GABRG1: variants seen among roughly 807,000 people sequenced by gnomAD.
The protein encoded by GABRG1 is gamma-aminobutyric acid receptor subunit gamma-1.
A neutral mutation model predicts 49.8 loss-of-function variants in GABRG1; 49 were observed. That is an observed-to-expected ratio of 0.98 (90% CI 0.78 to 1.25). GABRG1 has a LOEUF of 1.25. Among genes scored for constraint, GABRG1 ranks in the 50% most tolerant of loss-of-function variants. GABRG1 has a pLI of 0.00. For missense variants in GABRG1, 552 were observed against 552.3 expected, an observed-to-expected ratio of 1.00 and a Z score of 0.01; for synonymous variants, 232 against 185.1, an observed-to-expected ratio of 1.25 and a Z score of -2.06.
chr4:46,088,959 A>T (rs1719885563), intron 2 of GABRG1, among the ~76,000 whole-genome samples: 1 of 151,932 alleles, frequency 6.6e-6, no homozygotes, highest in African/African-American at 2.4e-5. Flanking sequence ...CTGATCAGGG[A>T]AAAGGAAAAA....
At chr4:46,120,687 C>T (rs918786937) in intron 1 of GABRG1, among the ~76,000 whole-genome samples, 4 of 151,628 alleles carry the variant, frequency 2.6e-5, no homozygotes, top group Non-Finnish European at 4.4e-5. Context: ...ACAAAACATA[C>T]TACTGAAATT....
At chr4:46,118,266 C>A (rs1332643724) in intron 1 of GABRG1, among the ~76,000 whole-genome samples, 3 of 149,686 alleles carry the variant, frequency 2.0e-5, no homozygotes, top group Non-Finnish European at 4.5e-5. Flanking sequence ...ATCTATCTAT[C>A]TATCTATCTA....
At chr4:46,043,810 C>T (rs570718073) in intron 8 of GABRG1, among the ~76,000 whole-genome samples, 37 of 151,930 alleles carry the variant, frequency 2.4e-4, no homozygotes, top group Non-Finnish European at 5.4e-4. Context: ...AGAAATTCAT[C>T]AAATTTTCAC....
chr4:46,109,979 G>T (rs567685672), intron 1 of GABRG1, among the ~76,000 whole-genome samples: 62 of 151,212 alleles, frequency 4.1e-4, no homozygotes, highest in Non-Finnish European at 2.7e-4. Flanking sequence ...TGAGAAAAAT[G>T]TATATTCTCT....
chr4:46,051,568 A>G lies in GABRG1; in HGVS notation c.987T>C (p.Tyr329=). The change falls in exon 8 of 9, where the codon TAT becomes TAC. Residue 329 remains tyrosine, a synonymous_variant. Transcript: ENST00000295452. The part of the protein sequence containing the change: ...IARKSLPKVS[Y]VTAMDLFVSV... ...AAACAAAGAGATCCATCGCAGTCAC[A>G]TAAGAAACCTTAGGTAAAGACTTCC... 1 of 1,611,734 alleles carries G rather than the reference A, an allele frequency of 6.2e-7. No individual in the cohort carries two copies. Among genetic ancestry groups the G allele is most frequent in the Non-Finnish European group, 8.5e-7 (1 of 1,178,524 alleles).
intron 3 of GABRG1, among the ~76,000 whole-genome samples, chr4:46,071,653 C>G (rs994722566): frequency 6.0e-5 from 9 of 150,806 alleles, no homozygotes; most frequent in Non-Finnish European, 1.3e-4. Flanking sequence ...AGGTGGAGGA[C>G]AGTAATGATG....
At chr4:46,120,578 A>G (rs1721065048) in intron 1 of GABRG1, among the ~76,000 whole-genome samples, 1 of 151,682 alleles carries the variant, frequency 6.6e-6, no homozygotes, top group Non-Finnish European at 1.5e-5. Context: ...TTACTTAGTC[A>G]TTTGCTTTTC....
In GABRG1 at chr4:46,124,039, A is replaced by G. The variant is rs1402875390; in HGVS notation, c.-126T>C. The G allele has an allele frequency of 3.6e-5, 24 of 667,740 alleles. No individual in the cohort carries two copies. Among genetic ancestry groups the G allele is most frequent in the Non-Finnish European group, 6.3e-5 (24 of 378,686 alleles). 41.4% of individuals were successfully genotyped at this position (667,740 alleles called of 1,614,324 possible). ...TGGAAAGGCAGTGCACCTCCCAAAC[A>G]GGTAGGATGCGACTCCCAGCAGAAT... On this transcript the variant is annotated 5_prime_UTR_variant, in exon 1 of 9. Transcript: ENST00000295452.
intron 7 of GABRG1, among the ~76,000 whole-genome samples, chr4:46,052,952 C>T (rs970047652): frequency 2.0e-5 from 3 of 151,658 alleles, no homozygotes; most frequent in African/African-American, 7.3e-5. Context: ...AAAGGTGAAA[C>T]AGTTGTGATG....
chr4:46,068,990 G>A (rs772964304), intron 3 of GABRG1, among the ~76,000 whole-genome samples: 1 of 152,070 alleles, frequency 6.6e-6, no homozygotes, highest in Non-Finnish European at 1.5e-5. Flanking sequence ...AACAGCATTA[G>A]TGAATAAATG....
chr4:46,056,151 TAAAAAAAA>T (rs1182116080), intron 7 of GABRG1, among the ~76,000 whole-genome samples: 3 of 9,142 alleles, frequency 3.3e-4, no homozygotes, highest in Admixed American at 1.5e-3. Context: ...ATAAATAAAT[TAAAAAAAA>T]AAAAAAAAAA....
chr4:46,093,686 A>G (rs908774268), intron 2 of GABRG1, among the ~76,000 whole-genome samples: 1 of 152,042 alleles, frequency 6.6e-6, no homozygotes, highest in African/African-American at 2.4e-5. Flanking sequence ...CTATGTGTAT[A>G]TAAAAATACC....
At chr4:46,076,373 A>T (rs1259796955) in intron 3 of GABRG1, among the ~76,000 whole-genome samples, 1 of 128,792 alleles carries the variant, frequency 7.8e-6, no homozygotes, top group African/African-American at 2.8e-5. Flanking sequence ...ATATATATAT[A>T]TATATATATA....
intron 1 of GABRG1, among the ~76,000 whole-genome samples, chr4:46,104,449 C>A (rs940590038): frequency 6.6e-6 from 1 of 151,396 alleles, no homozygotes; most frequent in African/African-American, 2.4e-5. Context: ...ATTAACTAAT[C>A]TTAGTTAGTT....
chr4:46,090,953 CAT>C (rs1246867643), intron 2 of GABRG1, among the ~76,000 whole-genome samples: 164 of 101,152 alleles, frequency 1.6e-3, no homozygotes, highest in Admixed American at 5.9e-3. Flanking sequence ...CACACACACA[CAT>C]ACACACACAC....
intron 1 of GABRG1, 68 bp from the exon 2 acceptor site, chr4:46,097,417 A>C (rs1037031409): frequency 2.3e-5 from 33 of 1,454,114 alleles, no homozygotes; most frequent in Non-Finnish European, 3.0e-5. Context: ...AGTATAGTTT[A>C]AGTATGTTAC....
rs1357995810 is a variant in GABRG1, at chr4:46,037,617, G to A, written c.*3371C>T. ...AACCAATGAAATAATTTCAAATGTA[G>A]TATTTTTTTACAGGAAATTTTGTAA... On this transcript the variant is annotated 3_prime_UTR_variant, in exon 9 of 9. Coordinates refer to ENST00000295452, the MANE Select transcript of GABRG1 (RefSeq NM_173536.4). 1 of 151,642 alleles carries A rather than the reference G, an allele frequency of 6.6e-6. No individual in the cohort carries two copies. Among genetic ancestry groups the A allele is most frequent in the Non-Finnish European group, 1.5e-5 (1 of 67,812 alleles). 9.4% of individuals were successfully genotyped at this position (151,642 alleles called of 1,614,324 possible).
At chr4:46,077,425 A>T (rs1032952913) in intron 3 of GABRG1, among the ~76,000 whole-genome samples, 1 of 152,072 alleles carries the variant, frequency 6.6e-6, no homozygotes, top group East Asian at 1.9e-4. Context: ...TTATGATCAT[A>T]ACAATGGTGA....
At chr4:46,063,250 G>T (rs1002585631) in intron 5 of GABRG1, among the ~76,000 whole-genome samples, 2 of 151,914 alleles carry the variant, frequency 1.3e-5, no homozygotes, top group South Asian at 2.1e-4. Flanking sequence ...GAGGCATCAC[G>T]CTACCTGACT....
Sources: gnomAD v4.1 joint callset for allele counts (sites outside exome capture counted in the v4.1 genomes callset) on GRCh38, gnomAD v4.1.1 for gene constraint, MANE v1.5 for transcripts, NCBI Gene and HGNC (gene_info 2026-07-23, HGNC 2026-07-21) for gene names.